Variants in LAMP5 observed in about 807,000 individuals in gnomAD.
The protein encoded by LAMP5 is lysosome-associated membrane glycoprotein 5.
In LAMP5, 36 loss-of-function variants were observed where a neutral mutation model predicts 30.2. The ratio of observed to expected loss-of-function variants is 1.19; its 90% CI spans 0.91 to 1.57. The LOEUF (loss-of-function observed/expected upper bound fraction) is 1.57. LAMP5 is among the 40% of genes most tolerant of loss of function. LAMP5 has a pLI of 0.00. For missense variants in LAMP5, 377 were observed against 354.9 expected, an observed-to-expected ratio of 1.06 and a Z score of -0.50; for synonymous variants, 149 against 134.6, an observed-to-expected ratio of 1.11 and a Z score of -0.74.
At chr20:9,523,866 T>A (rs2045094641) in intron 5 of LAMP5, among the ~76,000 whole-genome samples, 1 of 152,246 alleles carries the variant, frequency 6.6e-6, no homozygotes, top group Non-Finnish European at 1.5e-5. Flanking sequence ...GGTTGCATAA[T>A]CAGTTTACAA....
intron 5 of LAMP5, among the ~76,000 whole-genome samples, chr20:9,524,268 G>A (rs958972168): frequency 6.6e-6 from 1 of 151,976 alleles, no homozygotes. Context: ...ACATTATTCC[G>A]AGAAGGGGTC....
At chr20:9,524,403 A>C (rs1375995425) in intron 5 of LAMP5, among the ~76,000 whole-genome samples, 1 of 152,000 alleles carries the variant, frequency 6.6e-6, no homozygotes, top group Non-Finnish European at 1.5e-5. Context: ...AGCAAGGATA[A>C]CTATTGTTTG....
At chr20:9,518,553 C>T (rs1183985926) in intron 5 of LAMP5, among the ~76,000 whole-genome samples, 1 of 152,162 alleles carries the variant, frequency 6.6e-6, no homozygotes, top group Non-Finnish European at 1.5e-5. Flanking sequence ...TCCCTCTCTC[C>T]CCATCTTCTT....
rs765397994 is a variant in LAMP5 at position 9,516,039 on chromosome 20, G to A, written c.277G>A (p.Ala93Thr). 1.3e-6 allele frequency: 2 copies of A among 1,537,458 alleles called. No homozygotes were observed. Among genetic ancestry groups the A allele is most frequent in the Non-Finnish European group, 1.7e-6 (2 of 1,148,768 alleles). The change falls in exon 3 of 6, where the codon GCT (alanine) becomes ACT (threonine). Residue 93 changes from alanine to threonine, a missense_variant. Transcript: ENST00000246070. ...GGCCGATATCGCATTGACCCGGGGA[G>A]CTGAGGTGAAGGGCCGCTGTGGCCA... Reference protein sequence around the residue: ...EQADIALTRGAEVKGRCGHSQ... With the variant: ...EQADIALTRGTEVKGRCGHSQ...
chr20:9,514,686 G>A lies in LAMP5; in HGVS notation c.-167G>A. 2 of 594,296 alleles carry A rather than the reference G, an allele frequency of 3.4e-6. No individual in the cohort carries two copies. The highest frequency in any genetic ancestry group is 6.0e-6 in the Non-Finnish European group (2 of 335,964). 36.8% of individuals were successfully genotyped at this position (594,296 alleles called of 1,614,324 possible). A position where few individuals can be genotyped will look rare whatever the true frequency, so the allele number is the denominator to read the frequency against. On this transcript the variant is annotated 5_prime_UTR_variant, in exon 1 of 6. Coordinates refer to ENST00000246070, the MANE Select transcript of LAMP5 (RefSeq NM_012261.4). ...GCCAGCAGCTGTCGGTGCCGCGCTC[G>A]ACACCGAGTCCTAGCTAGGCGCTCA...
intron 5 of LAMP5, among the ~76,000 whole-genome samples, chr20:9,521,344 C>G (rs551480052): frequency 6.6e-6 from 1 of 152,284 alleles, no homozygotes. Flanking sequence ...CAATGGGTAA[C>G]AGCTGTTGCA....
intron 5 of LAMP5, among the ~76,000 whole-genome samples, chr20:9,529,094 A>G (rs2045133100): frequency 6.6e-6 from 1 of 151,948 alleles, no homozygotes; most frequent in African/African-American, 2.4e-5. Flanking sequence ...CTATGTTTTC[A>G]TTTTCCTGGG....
chr20:9,516,738 A>T (rs1189824712), intron 4 of LAMP5, among the ~76,000 whole-genome samples: 1 of 152,076 alleles, frequency 6.6e-6, no homozygotes, highest in Non-Finnish European at 1.5e-5. Flanking sequence ...TTTGTTTCTT[A>T]TGCGCTAAAA....
Position 9,518,039 on chromosome 20 carries a change from G to T in LAMP5, c.476-1G>T, listed in dbSNP as rs756135719. 1.9e-6 allele frequency: 3 copies of T among 1,550,088 alleles called. No individual in the cohort carries two copies. The highest frequency in any genetic ancestry group is 2.6e-6 in the Non-Finnish European group (3 of 1,139,200). ...ACTATTGCTCTGGGCTCTTGCTGTA[G>T]CTGGGAAGCACACAGCCAACTCGCA... On this transcript the variant is annotated splice_acceptor_variant, in intron 4 of 5. Coordinates refer to ENST00000246070, the MANE Select transcript of LAMP5 (RefSeq NM_012261.4). LOFTEE classifies it high-confidence loss of function.
intron 5 of LAMP5, among the ~76,000 whole-genome samples, chr20:9,523,651 C>A (rs1298334979): frequency 6.6e-6 from 1 of 151,982 alleles, no homozygotes. Context: ...TTGTCTCTTC[C>A]AGCCACAAGC....
Position 9,529,862 on chromosome 20 carries a change from G to A in LAMP5, c.*42G>A, listed in dbSNP as rs1020088888. ...ACCCCCTATTCCTGCTCCCCCAACT[G>A]GATCAGGTAGAACAACAAAAGCACT... On this transcript the variant is annotated 3_prime_UTR_variant, in exon 6 of 6. Coordinates refer to ENST00000246070, the MANE Select transcript of LAMP5 (RefSeq NM_012261.4). The A allele has an allele frequency of 3.1e-6, 5 of 1,590,876 alleles. No homozygotes were observed. The highest frequency in any genetic ancestry group is 3.4e-5 in the Admixed American group (2 of 59,220).
Position 9,516,140 on chromosome 20 carries a change from G to A in LAMP5, c.369+9G>A. The A allele has an allele frequency of 1.3e-6, 2 of 1,571,404 alleles. No individual in the cohort carries two copies. The highest frequency in any genetic ancestry group is 8.6e-7 in the Non-Finnish European group (1 of 1,160,086). On this transcript the variant is annotated intron_variant, in intron 3 of 5. Coordinates refer to ENST00000246070, the MANE Select transcript of LAMP5 (RefSeq NM_012261.4). ...AAATGCTCTTTGTAAAGGTAACTCC[G>A]AGCCCAGCGGGCAGAGGGGCCGCAG... is the stretch of plus-strand genomic sequence containing the variant.
chr20:9,519,597 T>C (rs2045066072), intron 5 of LAMP5, among the ~76,000 whole-genome samples: 1 of 152,240 alleles, frequency 6.6e-6, no homozygotes, highest in Non-Finnish European at 1.5e-5. Flanking sequence ...TTACAAAATG[T>C]AACAGTCAGT....
At position 9,529,619 on chromosome 20, in the gene LAMP5, G is replaced by A. The variant is rs770735042; in HGVS notation, c.665-23G>A. The A allele has an allele frequency of 2.5e-6, 4 of 1,608,722 alleles. No homozygotes were observed. In the African/African-American group the frequency reaches 5.3e-5, roughly 22 times the overall value. On this transcript the variant is annotated intron_variant, in intron 5 of 5. Coordinates refer to ENST00000246070, the MANE Select transcript of LAMP5 (RefSeq NM_012261.4). ...CAGGATGTTTTGACCAGAGCTCTCT[G>A]CTTTTCTTCTTTCCCATTGCAGAGC...
In LAMP5 at chr20:9,514,722, G is replaced by T. The variant is rs971271616; in HGVS notation, c.-131G>T. 2.7e-6 allele frequency: 2 copies of T among 735,584 alleles called. No homozygotes were observed. Among genetic ancestry groups the T allele is most frequent in the Middle Eastern group, 3.2e-4 (1 of 3,104 alleles). The allele number at this position is 735,584 out of a possible 1,614,324, so 45.6% of individuals were successfully genotyped here. A position where few individuals can be genotyped will look rare whatever the true frequency, so the allele number is the denominator to read the frequency against. Reference sequence around the variant, plus strand: ...CTAGCTAGGCGCTCACAGAATACGCGCTCCCTCCCTCCCCCTTCTCTGTCC... The same window carrying T: ...CTAGCTAGGCGCTCACAGAATACGCTCTCCCTCCCTCCCCCTTCTCTGTCC... On this transcript the variant is annotated 5_prime_UTR_variant, in exon 1 of 6. Coordinates refer to ENST00000246070, the MANE Select transcript of LAMP5 (RefSeq NM_012261.4).
At chr20:9,520,524 A>G (rs1225481444) in intron 5 of LAMP5, among the ~76,000 whole-genome samples, 2 of 151,960 alleles carry the variant, frequency 1.3e-5, no homozygotes, top group Non-Finnish European at 2.9e-5. Context: ...TGCATGGAGA[A>G]GGAATATCAC....
At position 9,518,286 on chromosome 20, in the gene LAMP5, G is replaced by C. The variant is rs572399982; in HGVS notation, c.664+58G>C. ...CTAGTTTATTTCAGGAAGGATGAGA[G>C]AGGGACCTACCAGGGCCCCAGGATG... is the stretch of plus-strand genomic sequence containing the variant. On this transcript the variant is annotated intron_variant, in intron 5 of 5. Coordinates refer to ENST00000246070, the MANE Select transcript of LAMP5 (RefSeq NM_012261.4). 8 of 1,512,106 alleles carry C rather than the reference G, an allele frequency of 5.3e-6. No individual in the cohort carries two copies. The African/African-American group carries it at 8.2e-5, about 16-fold the overall frequency. The allele number at this position is 1,512,106 out of a possible 1,614,324, so 93.7% of individuals were successfully genotyped here.
In LAMP5 at chr20:9,516,571, G is replaced by A. The variant is rs190625818; in HGVS notation, c.475+210G>A. On this transcript the variant is annotated intron_variant, in intron 4 of 5. Coordinates refer to ENST00000246070, the MANE Select transcript of LAMP5 (RefSeq NM_012261.4). ...TGTAGATCCGCCAGGAACCGCAGGCGTGGGGACCCAAACGTCACCCGTGGC... is the reference window on the plus strand; with the variant it reads ...TGTAGATCCGCCAGGAACCGCAGGCATGGGGACCCAAACGTCACCCGTGGC... 6.8e-3 allele frequency among the ~76,000 whole-genome samples: 1,030 copies of A among 152,222 alleles called. 6 individuals are homozygous for A. Among genetic ancestry groups the A allele is most frequent in the Middle Eastern group, 0.017 (5 of 294 alleles).
Position 9,529,847 on chromosome 20 carries a change from C to T in LAMP5, c.*27C>T, listed in dbSNP as rs752096607. 6.2e-7 allele frequency: 1 copy of T among 1,609,292 alleles called. No individual in the cohort carries two copies. Among genetic ancestry groups the T allele is most frequent in the Non-Finnish European group, 8.5e-7 (1 of 1,176,244 alleles). ...GGCCGTTAGGCAGGCACCCCCTATTCCTGCTCCCCCAACTGGATCAGGTAG... is the reference window on the plus strand; with the variant it reads ...GGCCGTTAGGCAGGCACCCCCTATTTCTGCTCCCCCAACTGGATCAGGTAG... On this transcript the variant is annotated 3_prime_UTR_variant, in exon 6 of 6. Transcript: ENST00000246070.
Sources: gnomAD v4.1 joint callset for allele counts (sites outside exome capture counted in the v4.1 genomes callset) on GRCh38, gnomAD v4.1.1 for gene constraint, MANE v1.5 for transcripts, NCBI Gene and HGNC (gene_info 2026-07-23, HGNC 2026-07-21) for gene names.